The following MSTO1 variants were observed in gnomAD, a reference collection of about 807,000 sequenced individuals.
MSTO1 encodes protein misato homolog 1.
In MSTO1, 24 loss-of-function variants were observed where a neutral mutation model predicts 55.7. The ratio of observed to expected loss-of-function variants is 0.43; its 90% CI spans 0.31 to 0.61. MSTO1 has a LOEUF of 0.61. MSTO1 is among the 20% of genes least tolerant of loss of function. The probability of loss-of-function intolerance (pLI) is 0.09; values close to 1 mark genes in which losing one functional copy is unlikely to be tolerated. For synonymous variants in MSTO1, 162 were observed against 252.8 expected (o/e 0.64, Z 3.41); for missense variants, 363 against 625.7 (o/e 0.58, Z 4.48).
chr1:155,590,204 C>T, the MSTO1 span, among the ~76,000 whole-genome samples: 13 of 152,162 alleles, frequency 8.5e-5, no homozygotes, highest in African/African-American at 2.9e-4. Flanking sequence ...GGCCTGAGTA[C>T]GATGGGGGGC....
the MSTO1 span, among the ~76,000 whole-genome samples, chr1:155,567,308 A>ATT: frequency 0.019 from 2,352 of 123,364 alleles, 96 homozygotes; most frequent in African/African-American, 0.069. Flanking sequence ...AATTTTTGTA[A>ATT]TTTTTTTTTT....
the MSTO1 span, among the ~76,000 whole-genome samples, chr1:155,577,332 C>T: frequency 1.3e-5 from 2 of 152,100 alleles, no homozygotes; most frequent in African/African-American, 4.8e-5. Context: ...TCGTGATCCA[C>T]CCGCCTCGGC....
At chr1:155,582,020 A>T in the MSTO1 span, among the ~76,000 whole-genome samples, 1 of 149,332 alleles carries the variant, frequency 6.7e-6, no homozygotes, top group South Asian at 2.1e-4. Flanking sequence ...CAATGGCATG[A>T]TCTCGGCTCA....
the MSTO1 span, chr1:155,566,160 A>C: frequency 6.6e-6 from 1 of 152,162 alleles, no homozygotes; most frequent in Admixed American, 6.6e-5. Context: ...TTCAAATTGG[A>C]GTGCTTGTCA....
At chr1:155,599,184 G>T in the MSTO1 span, among the ~76,000 whole-genome samples, 1 of 135,352 alleles carries the variant, frequency 7.4e-6, no homozygotes, top group Non-Finnish European at 1.6e-5. Context: ...TCTCAGAAAA[G>T]AAAAAAAAAA....
the MSTO1 span, among the ~76,000 whole-genome samples, chr1:155,596,166 A>T: frequency 2.0e-5 from 3 of 152,310 alleles, no homozygotes; most frequent in South Asian, 6.2e-4. Flanking sequence ...TTTTAAATAT[A>T]TCTCTAGCTT....
At chr1:155,565,312 GAAAA>G in the MSTO1 span, among the ~76,000 whole-genome samples, 44 of 146,122 alleles carry the variant, frequency 3.0e-4, no homozygotes, top group African/African-American at 1.1e-3. Flanking sequence ...AAAAAAAAAA[GAAAA>G]AGAAAAGAAA....
At chr1:155,598,811 CAT>C in the MSTO1 span, 2 of 1,238,420 alleles carry the variant, frequency 1.6e-6, no homozygotes, top group East Asian at 4.7e-5. Context: ...TCTTTAACAA[CAT>C]ATATTTTAGA....
At chr1:155,610,045 CA>C (rs1426035342), upstream of MSTO1, among the ~76,000 whole-genome samples, 3,082 of 152,108 alleles carry the variant, frequency 0.02, 101 homozygotes, top group African/African-American at 0.071. Flanking sequence ...CCGCCCCTCA[CA>C]GGCAACCACA....
chr1:155,570,613 T>A, the MSTO1 span, among the ~76,000 whole-genome samples: 1 of 152,120 alleles, frequency 6.6e-6, no homozygotes, highest in Admixed American at 6.5e-5. Context: ...CACGGTACTA[T>A]GAGATATTTT....
the MSTO1 span, among the ~76,000 whole-genome samples, chr1:155,578,741 A>T: frequency 2.9e-5 from 4 of 138,340 alleles, no homozygotes; most frequent in Non-Finnish European, 4.6e-5. Context: ...CGATCTCCTG[A>T]CCTTGTGATC....
chr1:155,588,760 A>C, the MSTO1 span, among the ~76,000 whole-genome samples: 3 of 152,272 alleles, frequency 2.0e-5, no homozygotes, highest in Middle Eastern at 3.4e-3. Context: ...AGTCAGCAGG[A>C]GATCCTGAAA....
At chr1:155,579,425 CT>C in the MSTO1 span, among the ~76,000 whole-genome samples, 879 of 152,244 alleles carry the variant, frequency 5.8e-3, 6 homozygotes, top group African/African-American at 0.02. Context: ...TACTGAAGAA[CT>C]TTTATTAAAA....
At chr1:155,592,071 T>A in the MSTO1 span, among the ~76,000 whole-genome samples, 4 of 152,210 alleles carry the variant, frequency 2.6e-5, no homozygotes, top group African/African-American at 9.6e-5. Flanking sequence ...TAGATAAAAT[T>A]GAGTAGCGTT....
At chr1:155,605,329 A>G (rs1571195314), upstream of MSTO1, among the ~76,000 whole-genome samples, 2 of 152,172 alleles carry the variant, frequency 1.3e-5, no homozygotes, top group African/African-American at 4.8e-5. Flanking sequence ...ATCACCACAG[A>G]TCCTGCAGAC....
chr1:155,577,172 T>G, the MSTO1 span, among the ~76,000 whole-genome samples: 1 of 150,086 alleles, frequency 6.7e-6, no homozygotes, highest in African/African-American at 2.5e-5. Context: ...CACTGCAAGC[T>G]CCACCTCCCA....
chr1:155,588,438 C>T, the MSTO1 span, among the ~76,000 whole-genome samples: 3 of 152,038 alleles, frequency 2.0e-5, no homozygotes, highest in Non-Finnish European at 4.4e-5. Context: ...AGGTACTACA[C>T]TAAGTGCTTT....
chr1:155,584,670 CAAAAAAAA>C, the MSTO1 span, among the ~76,000 whole-genome samples: 2,065 of 72,884 alleles, frequency 0.028, 70 homozygotes, highest in South Asian at 0.053. Context: ...GAGCTTGTCT[CAAAAAAAA>C]AAAAAAAAAA....
At chr1:155,580,069 C>T in the MSTO1 span, among the ~76,000 whole-genome samples, 1 of 149,902 alleles carries the variant, frequency 6.7e-6, no homozygotes, top group Non-Finnish European at 1.5e-5. Context: ...GAGCAAGAGT[C>T]CATCTCAAAA....
Sources: allele counts gnomAD v4.1 joint callset (sites outside exome capture counted in the v4.1 genomes callset), GRCh38; gene constraint gnomAD v4.1.1; transcripts MANE v1.5; gene names NCBI Gene and HGNC (gene_info 2026-07-23, HGNC 2026-07-21).